Variants in NBAS observed in about 807,000 individuals in gnomAD.
The protein encoded by NBAS is NBAS subunit of NRZ tethering complex, also known as NAG/BC035112 fusion.
Under a neutral mutation model 302.5 loss-of-function variants are expected in NBAS, and 219 were observed. That is an observed-to-expected ratio of 0.72 (90% CI 0.65 to 0.81). The LOEUF is 0.81. Among genes scored for constraint, NBAS ranks in the 30% least tolerant of loss-of-function variants. The pLI, the probability that NBAS is intolerant of heterozygous loss-of-function variation, is 0.00. For synonymous variants in NBAS, 1,118 were observed against 1,021.6 expected (o/e 1.09, Z -1.80); for missense variants, 2,932 against 2,841.6 (o/e 1.03, Z -0.72).
In NBAS at chr2:15,394,488, G is replaced by A. The variant is rs149488100; in HGVS notation, c.3135-139C>T. ...AGTGTAATCCAATTTTACATATAAC[G>A]TTGATTCTCAGCAAAAAAGAAAAAA... On this transcript the variant is annotated intron_variant, in intron 27 of 51. Transcript: ENST00000281513. 875 of 822,552 alleles carry A rather than the reference G, an allele frequency of 1.1e-3. 5 individuals carry two copies. The African/African-American group carries it at 0.014, about 13-fold the overall frequency. 51.0% of individuals were successfully genotyped at this position (822,552 alleles called of 1,614,324 possible). A position where few individuals can be genotyped will look rare whatever the true frequency, so the allele number is the denominator to read the frequency against.
chr2:15,557,548 A>AT (rs1479172215), intron 2 of NBAS, among the ~76,000 whole-genome samples: 1 of 152,246 alleles, frequency 6.6e-6, no homozygotes, highest in African/African-American at 2.4e-5. Flanking sequence ...GTATCAGAAG[A>AT]TAAAATTAAC....
chr2:14,823,390 T>C, the NBAS span, among the ~76,000 whole-genome samples: 1 of 152,222 alleles, frequency 6.6e-6, no homozygotes, highest in East Asian at 1.9e-4. Flanking sequence ...TTAATAAGAA[T>C]AATAGTTGGC....
At chr2:15,310,626 G>A (rs1227796613) in intron 38 of NBAS, among the ~76,000 whole-genome samples, 1 of 152,132 alleles carries the variant, frequency 6.6e-6, no homozygotes, top group Non-Finnish European at 1.5e-5. Context: ...GCTATTACAA[G>A]ATCAAAGAAG....
intron 35 of NBAS, among the ~76,000 whole-genome samples, chr2:15,349,376 G>A (rs575846639): frequency 3.3e-5 from 5 of 152,278 alleles, no homozygotes; most frequent in African/African-American, 1.2e-4. Flanking sequence ...AATGTAATGT[G>A]TTTTCACATC....
intron 44 of NBAS, among the ~76,000 whole-genome samples, chr2:15,273,498 A>G (rs1481259417): frequency 6.6e-6 from 1 of 152,248 alleles, no homozygotes; most frequent in African/African-American, 2.4e-5. Flanking sequence ...TCAATGGTTA[A>G]GAGAAAAGGC....
chr2:15,375,531 C>T (rs778873038), intron 30 of NBAS, among the ~76,000 whole-genome samples: 6 of 152,130 alleles, frequency 3.9e-5, no homozygotes, highest in Admixed American at 1.3e-4. Context: ...GCCAAGCCTG[C>T]TCTCGTAAAA....
the NBAS span, among the ~76,000 whole-genome samples, chr2:14,953,429 A>G: frequency 2.0e-5 from 3 of 152,378 alleles, no homozygotes; most frequent in Admixed American, 2.0e-4. Flanking sequence ...AGAGCATTGC[A>G]CAAAGCAAAC....
chr2:15,370,559 A>T (rs1368978454), intron 31 of NBAS, among the ~76,000 whole-genome samples: 1 of 152,184 alleles, frequency 6.6e-6, no homozygotes, highest in Non-Finnish European at 1.5e-5. Flanking sequence ...AGCCTCCCAA[A>T]GTCCTGGGAT....
At chr2:15,089,143 AT>A in the NBAS span, among the ~76,000 whole-genome samples, 1 of 152,004 alleles carries the variant, frequency 6.6e-6, no homozygotes, top group Non-Finnish European at 1.5e-5. Flanking sequence ...CACTTCATGA[AT>A]TTTATTTTTC....
the NBAS span, among the ~76,000 whole-genome samples, chr2:14,935,626 C>G: frequency 6.6e-6 from 1 of 151,968 alleles, no homozygotes; most frequent in Non-Finnish European, 1.5e-5. Context: ...TGCCAATAAT[C>G]CCTCCCCTTT....
the NBAS span, among the ~76,000 whole-genome samples, chr2:14,982,920 C>T: frequency 3.2e-4 from 49 of 152,032 alleles, no homozygotes; most frequent in African/African-American, 1.1e-3. Flanking sequence ...CAGAGGTAAA[C>T]ATCAGAAAAA....
At chr2:14,922,465 G>A in the NBAS span, among the ~76,000 whole-genome samples, 1 of 152,184 alleles carries the variant, frequency 6.6e-6, no homozygotes, top group African/African-American at 2.4e-5. Context: ...TAGGGAGGTG[G>A]TGAGTTTGGT....
At chr2:15,163,266 G>A (rs746731146), downstream of NBAS, among the ~76,000 whole-genome samples, 2 of 152,192 alleles carry the variant, frequency 1.3e-5, no homozygotes, top group Non-Finnish European at 2.9e-5. Context: ...AGCATCCCCC[G>A]CTTCCCAGCA....
rs554888691 is a variant in NBAS, at chr2:15,539,423, A to G, written c.380-67T>C. 6.4e-4 allele frequency: 991 copies of G among 1,559,520 alleles called. 17 individuals are homozygous for G. In the South Asian group the frequency reaches 0.01, roughly 16 times the overall value. ...ACAAAGATAGTTAATGCTTTTAGTA[A>G]CTGCAACTAAAGTAAGTATTCAAGT... On this transcript the variant is annotated intron_variant, in intron 6 of 51. Transcript: ENST00000281513.
intron 48 of NBAS, among the ~76,000 whole-genome samples, chr2:15,217,489 A>G (rs1208895950): frequency 6.6e-6 from 1 of 152,258 alleles, no homozygotes; most frequent in Non-Finnish European, 1.5e-5. Context: ...CTTTAGATGT[A>G]GTAATAACCA....
chr2:15,212,001 CT>C (rs1666433922), intron 48 of NBAS, among the ~76,000 whole-genome samples: 1 of 152,208 alleles, frequency 6.6e-6, no homozygotes, highest in South Asian at 2.1e-4. Flanking sequence ...GATTCTCCTC[CT>C]GCATGTGCTA....
At chr2:15,466,258 CCTA>C (rs1679719967) in intron 19 of NBAS, among the ~76,000 whole-genome samples, 1 of 152,086 alleles carries the variant, frequency 6.6e-6, no homozygotes, top group African/African-American at 2.4e-5. Context: ...ACATACAGTG[CCTA>C]CTGTGTGCCA....
At chr2:15,444,117 T>G (rs1263237069) in intron 21 of NBAS, among the ~76,000 whole-genome samples, 1 of 151,900 alleles carries the variant, frequency 6.6e-6, no homozygotes, top group Non-Finnish European at 1.5e-5. Flanking sequence ...CCCATCAAGC[T>G]ACCAATGACT....
the NBAS span, among the ~76,000 whole-genome samples, chr2:15,087,055 T>C: frequency 6.6e-6 from 1 of 151,750 alleles, no homozygotes; most frequent in African/African-American, 2.4e-5. Flanking sequence ...ACATCATTTT[T>C]TTCCCCTGAT....
Sources: allele counts gnomAD v4.1 joint callset (sites outside exome capture counted in the v4.1 genomes callset), GRCh38; gene constraint gnomAD v4.1.1; transcripts MANE v1.5; gene names NCBI Gene and HGNC (gene_info 2026-07-23, HGNC 2026-07-21).